DNAH17: variants seen among roughly 807,000 people sequenced by gnomAD.
DNAH17 encodes axonemal beta dynein heavy chain 17.
In DNAH17, 376 loss-of-function variants were observed where a neutral mutation model predicts 485.6. The ratio of observed to expected loss-of-function variants is 0.77; its 90% CI spans 0.71 to 0.84. The LOEUF is 0.84. Ranked by LOEUF, DNAH17 falls within the 40% of genes least tolerant of loss-of-function variation. The pLI is 0.00. For missense variants in DNAH17, 6,370 were observed against 5,839.3 expected, an observed-to-expected ratio of 1.09 and a Z score of -2.96; for synonymous variants, 3,031 against 2,405.9, an observed-to-expected ratio of 1.26 and a Z score of -7.60.
At chr17:78,433,947 G>GGGAAGGAGGGA (rs2086774257) in intron 75 of DNAH17, 82 bp downstream of exon 75, 2 of 993,692 alleles carry the variant, frequency 2.0e-6, no homozygotes, top group Admixed American at 5.0e-5. Flanking sequence ...GAAGGAGGGA[G>GGGAAGGAGGGA]GGAAGGAGGG....
intron 25 of DNAH17, 143 bp downstream of exon 25, chr17:78,524,866 C>T: frequency 8.7e-7 from 1 of 1,155,372 alleles, no homozygotes; most frequent in South Asian, 1.8e-5. Flanking sequence ...ATCTCAGGGC[C>T]CTTCGGATGC....
chr17:78,492,143 C>T (rs1364890155), intron 42 of DNAH17, among the ~76,000 whole-genome samples: 2 of 152,138 alleles, frequency 1.3e-5, no homozygotes, highest in African/African-American at 2.4e-5. Flanking sequence ...CAGGACCACC[C>T]TGCTCCCGCT....
rs764209765 is a variant in DNAH17, at chr17:78,479,028, G to A, written c.7989C>T (p.Phe2663=). 32 of 1,613,616 alleles carry A rather than the reference G, an allele frequency of 2.0e-5. No homozygotes were observed. The highest frequency in any genetic ancestry group is 2.5e-5 in the Non-Finnish European group (29 of 1,179,702). The change falls in exon 51 of 81, where the codon TTC becomes TTT. Residue 2663 remains phenylalanine (F), a synonymous_variant. Transcript: ENST00000389840. ...VFNLRDLSNI[F]QGLLFSTAEV... is the part of the protein sequence containing the mutation. ...CATAAAGCTACAAGAGCAGTACCTG[G>A]AAAATATTGGAGAGGTCCCTGAGGT...
intron 11 of DNAH17, 131 bp from the exon 12 acceptor site, chr17:78,562,111 C>A (rs143664488): frequency 1.8e-6 from 2 of 1,122,338 alleles, no homozygotes; most frequent in Non-Finnish European, 2.4e-6. Context: ...ACAAAACAAT[C>A]CACTGGAACC....
intron 2 of DNAH17, among the ~76,000 whole-genome samples, chr17:78,573,507 G>A (rs757430999): frequency 6.6e-6 from 1 of 151,430 alleles, no homozygotes; most frequent in Non-Finnish European, 1.5e-5. Flanking sequence ...GCTGAGGCAA[G>A]AGAATCATTT....
intron 37 of DNAH17, among the ~76,000 whole-genome samples, chr17:78,498,469 G>T (rs1304945223): frequency 6.6e-6 from 1 of 152,230 alleles, no homozygotes; most frequent in Admixed American, 6.5e-5. Flanking sequence ...AACAAGTGGG[G>T]CCCACGCTGG....
chr17:78,576,117 G>A (rs907027506), intron 1 of DNAH17, among the ~76,000 whole-genome samples: 16 of 152,186 alleles, frequency 1.1e-4, no homozygotes, highest in Admixed American at 6.5e-5. Flanking sequence ...GGCAGCTGCT[G>A]AAAAGCATCA....
chr17:78,424,282 C>T, intron 80 of DNAH17, 129 bp from the exon 81 acceptor site: 1 of 1,195,936 alleles, frequency 8.4e-7, no homozygotes, highest in Non-Finnish European at 1.1e-6. Context: ...GGCTTCAGGC[C>T]AGCTGCCACG....
rs1187692365 is a variant in DNAH17 at position 78,424,076 on chromosome 17, A to T, written c.13219T>A (p.Phe4407Ile). The T allele has an allele frequency of 2.5e-6, 4 of 1,613,910 alleles. No homozygotes were observed. Among genetic ancestry groups the T allele is most frequent in the Non-Finnish European group, 3.4e-6 (4 of 1,179,890 alleles). Residue 4407 changes from phenylalanine to isoleucine, a missense_variant, in exon 81 of 81, where the codon TTC (phenylalanine) becomes ATC (isoleucine). Phe to Ile is a conservative substitution (Grantham distance 21). Coordinates refer to ENST00000389840, the MANE Select transcript of DNAH17 (RefSeq NM_173628.4). ...CGGTCCACAGGAATGGCCTTGATGA[A>T]GATGACAGGCATGGCCGGGGTCAGC... is the stretch of plus-strand genomic sequence containing the variant. ...KELTPAMPVI[F>I]IKAIPVDRME... is the part of the protein sequence containing the mutation.
rs547987188 is a variant in DNAH17 at position 78,571,481 on chromosome 17, C to T, written c.733-103G>A. 40 of 1,488,988 alleles carry T rather than the reference C, an allele frequency of 2.7e-5. No individual in the cohort carries two copies. The South Asian group carries it at 4.1e-4, about 15-fold the overall frequency. The allele number at this position is 1,488,988 out of a possible 1,614,324, so 92.2% of individuals were successfully genotyped here. A position where few individuals can be genotyped will look rare whatever the true frequency, so the allele number is the denominator to read the frequency against. On this transcript the variant is annotated intron_variant, in intron 4 of 80. Coordinates refer to ENST00000389840, the MANE Select transcript of DNAH17 (RefSeq NM_173628.4). ...CTGGAGCTGCAGAATTTACGCAGGT[C>T]ATCAGAGCCCTCAGGACTCCTGGGA...
chr17:78,528,588 G>A (rs559820873), intron 22 of DNAH17, among the ~76,000 whole-genome samples: 104 of 152,138 alleles, frequency 6.8e-4, no homozygotes, highest in African/African-American at 2.4e-3. Flanking sequence ...GGGAGAGGGC[G>A]GGAGGAGGGG....
Position 78,454,638 on chromosome 17 carries a change from G to T in DNAH17, c.10238C>A (p.Thr3413Asn). ...SLLTDDADVA[T>N]WNNQGLPSDR... The stretch of plus-strand genomic sequence containing the variant: ...GCTGGGGAGGCCCTGGTTGTTCCAG[G>T]TGGCCACGTCCGCGTCATCTGTCAG... The change falls in exon 64 of 81, where the codon ACC (threonine) becomes AAC (asparagine). Residue 3413 changes from threonine to asparagine, a missense_variant. By Grantham distance (65) the Thr-to-Asn change is moderately conservative (BLOSUM62 0). Transcript: ENST00000389840. The T allele has an allele frequency of 6.2e-7, 1 of 1,613,182 alleles. No homozygotes were observed.
Position 78,450,764 on chromosome 17 carries a change from G to T in DNAH17, c.10817C>A (p.Ala3606Glu), listed in dbSNP as rs560286800. The change falls in exon 67 of 81, where the codon GCG becomes GAG. Residue 3606 changes from alanine to glutamate, a missense_variant. Transcript: ENST00000389840. ...EDSLLARLSA[A>E]SGNFLGDTAL... ...CGTGTCTCCCAGAAAGTTCCCCGAC[G>T]CAGCCGACAGACGGGCCAGGAGCGA... 61 of 1,613,946 alleles carry T rather than the reference G, an allele frequency of 3.8e-5. No homozygotes were observed. In the South Asian group the frequency reaches 6.5e-4, roughly 17 times the overall value.
chr17:78,463,111 C>T (rs752331977), intron 56 of DNAH17, 34 bp from the exon 57 acceptor site: 1 of 1,597,596 alleles, frequency 6.3e-7, no homozygotes, highest in Non-Finnish European at 8.6e-7. Context: ...ATCCCTGGGA[C>T]CCCATCCTGC....
chr17:78,497,979 C>T (rs955693013), intron 37 of DNAH17, among the ~76,000 whole-genome samples: 2 of 151,986 alleles, frequency 1.3e-5, no homozygotes, highest in Non-Finnish European at 2.9e-5. Flanking sequence ...CCCATCTCTA[C>T]TAAAAATACA....
chr17:78,445,008 G>T (rs1321380218), intron 70 of DNAH17, among the ~76,000 whole-genome samples: 1 of 152,108 alleles, frequency 6.6e-6, no homozygotes. Context: ...CTCCTCGGCA[G>T]GGTCTAACCT....
In DNAH17 at chr17:78,494,589, C is replaced by T. The variant is rs562527791; in HGVS notation, c.6270+4G>A. 32 of 1,613,366 alleles carry T rather than the reference C, an allele frequency of 2.0e-5. No individual in the cohort carries two copies. Among genetic ancestry groups the T allele is most frequent in the African/African-American group, 8.0e-5 (6 of 75,052 alleles). ...GGACAGACCTGAGACCCAGGAGTCC[C>T]GACCTTTTCAAAATTCAGGTCCCGT... On this transcript the variant is annotated splice_donor_region_variant and intron_variant, in intron 40 of 80. Coordinates refer to ENST00000389840, the MANE Select transcript of DNAH17 (RefSeq NM_173628.4).
At chr17:78,560,591 A>G (rs2092131532) in intron 13 of DNAH17, 149 bp downstream of exon 13, 1 of 792,738 alleles carries the variant, frequency 1.3e-6, no homozygotes, top group Non-Finnish European at 1.8e-6. Flanking sequence ...TCATGTCTTA[A>G]ATATACCCTG....
rs375794220 is a variant in DNAH17, at chr17:78,434,258, G to A, written c.12034-38C>T. ...CGCTCCGGTCAGGTATTAGGGAGAG[G>A]GAGAAGTTTACACAGAAATGCCCCT... On this transcript the variant is annotated intron_variant, in intron 74 of 80. Transcript: ENST00000389840. 2.6e-6 allele frequency: 4 copies of A among 1,565,588 alleles called. No individual in the cohort carries two copies. In the African/African-American group the frequency reaches 4.1e-5, roughly 16 times the overall value.
Sources: allele counts gnomAD v4.1 joint callset (sites outside exome capture counted in the v4.1 genomes callset), GRCh38; gene constraint gnomAD v4.1.1; transcripts MANE v1.5; gene names NCBI Gene and HGNC (gene_info 2026-07-23, HGNC 2026-07-21).